TOX: variants seen among roughly 807,000 people sequenced by gnomAD.
The protein encoded by TOX is thymocyte selection associated high mobility group box.
TOX carries 11 observed loss-of-function variants against 53.7 expected under a neutral mutation model. The observed-to-expected ratio is 0.20, with a 90% CI of 0.13 to 0.34. The LOEUF (loss-of-function observed/expected upper bound fraction) is 0.34. TOX is among the 10% of genes least tolerant of loss of function. The pLI, the probability that TOX is intolerant of heterozygous loss-of-function variation, is 1.00. For missense variants in TOX, 570 were observed against 664.6 expected (o/e 0.86, Z 1.56); for synonymous variants, 225 against 245.3 (o/e 0.92, Z 0.77).
At chr8:58,910,405 G>A (rs1006439643) in intron 3 of TOX, among the ~76,000 whole-genome samples, 7 of 152,164 alleles carry the variant, frequency 4.6e-5, no homozygotes, top group African/African-American at 1.7e-4. Flanking sequence ...AACTATTGGA[G>A]TTCAAAAGTT....
chr8:58,893,922 T>C (rs778281604), intron 3 of TOX, among the ~76,000 whole-genome samples: 5 of 152,216 alleles, frequency 3.3e-5, no homozygotes, highest in Non-Finnish European at 7.4e-5. Context: ...CCCTCAGTAG[T>C]AGACAGGAAG....
intron 4 of TOX, 144 bp from the exon 5 acceptor site, chr8:58,838,455 ATT>A: frequency 1.5e-6 from 1 of 650,486 alleles, no homozygotes; most frequent in Non-Finnish European, 2.6e-6. Flanking sequence ...TTGTTTTGTT[ATT>A]TTTTTTTCCC....
rs117675898 is a variant in TOX at position 59,033,755 on chromosome 8, C to T, written c.103-73747G>A. On this transcript the variant is annotated intron_variant, in intron 1 of 8. Transcript: ENST00000361421. ...CACGTCAGGGGAAGGGAACTATTTC[C>T]GACAGAGCCCACACTGGAATGTATT... Among the ~76,000 whole-genome samples, 1,010 of 152,186 alleles carry T rather than the reference C, an allele frequency of 6.6e-3. 8 individuals carry two copies. Among genetic ancestry groups the T allele is most frequent in the Non-Finnish European group, 9.8e-3 (666 of 68,018 alleles).
At chr8:58,829,170 C>T (rs1159089830) in intron 5 of TOX, among the ~76,000 whole-genome samples, 1 of 152,154 alleles carries the variant, frequency 6.6e-6, no homozygotes, top group Admixed American at 6.5e-5. Context: ...AGTGTGACTA[C>T]GATGCTATCC....
intron 1 of TOX, among the ~76,000 whole-genome samples, chr8:59,080,986 GT>G (rs2129423152): frequency 6.6e-6 from 1 of 152,190 alleles, no homozygotes; most frequent in African/African-American, 2.4e-5. Flanking sequence ...AATTTTAGAT[GT>G]TGTATCTGAC....
chr8:58,948,072 G>A (rs1411633409), intron 2 of TOX, among the ~76,000 whole-genome samples: 1 of 152,174 alleles, frequency 6.6e-6, no homozygotes, highest in Non-Finnish European at 1.5e-5. Flanking sequence ...GTGCAAAGCC[G>A]GAGTGACACC....
At chr8:58,866,786 A>G (rs1811111058) in intron 3 of TOX, among the ~76,000 whole-genome samples, 2 of 152,222 alleles carry the variant, frequency 1.3e-5, no homozygotes, top group Admixed American at 1.3e-4. Context: ...GTGAGGCAAG[A>G]TATTTCTTAC....
intron 3 of TOX, among the ~76,000 whole-genome samples, chr8:58,930,023 C>T (rs1013225045): frequency 6.6e-6 from 1 of 152,096 alleles, no homozygotes; most frequent in African/African-American, 2.4e-5. Flanking sequence ...TAGAAATGAT[C>T]AGTAGTAAGT....
chr8:58,846,648 G>A (rs1041311784), intron 4 of TOX, among the ~76,000 whole-genome samples: 1 of 152,126 alleles, frequency 6.6e-6, no homozygotes, highest in Non-Finnish European at 1.5e-5. Context: ...TGATGAACTA[G>A]CAAATTAGTA....
At chr8:58,981,598 G>A (rs770529801) in intron 1 of TOX, among the ~76,000 whole-genome samples, 6 of 151,782 alleles carry the variant, frequency 4.0e-5, no homozygotes, top group African/African-American at 7.3e-5. Flanking sequence ...CATCTTTTCC[G>A]TTGAGTTTCC....
At chr8:59,037,734 G>T (rs1386331613) in intron 1 of TOX, among the ~76,000 whole-genome samples, 1 of 150,556 alleles carries the variant, frequency 6.6e-6, no homozygotes, top group Non-Finnish European at 1.5e-5. Context: ...CCTGGGAGGC[G>T]GAGGTTGCAG....
At chr8:58,998,523 A>AATAAATTTATGTAATAAATT (rs59892356) in intron 1 of TOX, among the ~76,000 whole-genome samples, 4 of 45,044 alleles carry the variant, frequency 8.9e-5, no homozygotes, top group South Asian at 6.5e-4. Context: ...ATATATATAT[A>AATAAATTTATGTAATAAATT]TATATATATA....
chr8:58,824,596 T>C (rs969676905), intron 6 of TOX, among the ~76,000 whole-genome samples: 1 of 152,234 alleles, frequency 6.6e-6, no homozygotes, highest in African/African-American at 2.4e-5. Flanking sequence ...CCTGTCTTCC[T>C]TCAACCCCCA....
intron 3 of TOX, among the ~76,000 whole-genome samples, chr8:58,884,665 T>A (rs912808161): frequency 1.3e-5 from 2 of 152,126 alleles, no homozygotes; most frequent in Non-Finnish European, 2.9e-5. Context: ...TTGCTTAAAA[T>A]CCAAGTTTTA....
intron 3 of TOX, among the ~76,000 whole-genome samples, chr8:58,876,984 T>A (rs1811296161): frequency 6.6e-6 from 1 of 152,192 alleles, no homozygotes; most frequent in African/African-American, 2.4e-5. Flanking sequence ...ACGTTAATAA[T>A]TTAGCTTTGA....
chr8:59,033,545 T>G (rs945133433), intron 1 of TOX, among the ~76,000 whole-genome samples: 2 of 152,158 alleles, frequency 1.3e-5, no homozygotes, highest in Non-Finnish European at 2.9e-5. Flanking sequence ...TTATGTGAAT[T>G]TTTCCACAAT....
chr8:58,876,545 T>G (rs1811287761), intron 3 of TOX, among the ~76,000 whole-genome samples: 1 of 152,144 alleles, frequency 6.6e-6, no homozygotes, highest in Admixed American at 6.6e-5. Flanking sequence ...TTTAATCTGA[T>G]TGTTTTCCTC....
chr8:59,012,026 C>T (rs574826291), intron 1 of TOX, among the ~76,000 whole-genome samples: 4 of 152,192 alleles, frequency 2.6e-5, no homozygotes, highest in South Asian at 2.1e-4. Flanking sequence ...AAATCATTTC[C>T]GGGTCAGGCA....
At chr8:59,111,015 C>T (rs952351465) in intron 1 of TOX, among the ~76,000 whole-genome samples, 2 of 152,118 alleles carry the variant, frequency 1.3e-5, no homozygotes. Flanking sequence ...TCTCATAAGT[C>T]TTCTTTGATA....
Sources: allele counts gnomAD v4.1 joint callset (sites outside exome capture counted in the v4.1 genomes callset), GRCh38; gene constraint gnomAD v4.1.1; transcripts MANE v1.5; gene names NCBI Gene and HGNC (gene_info 2026-07-23, HGNC 2026-07-21).